The following EPC1 variants were observed in gnomAD, a reference collection of about 807,000 sequenced individuals.
EPC1 encodes enhancer of polycomb 1.
A neutral mutation model predicts 98.4 loss-of-function variants in EPC1; 12 were observed. That is an observed-to-expected ratio of 0.12 (90% CI 0.08 to 0.20). The LOEUF (loss-of-function observed/expected upper bound fraction) is 0.20. Ranked by LOEUF, EPC1 falls within the 10% of genes least tolerant of loss-of-function variation. The pLI, the probability that EPC1 is intolerant of heterozygous loss-of-function variation, is 1.00. For missense variants in EPC1, 729 were observed against 990.5 expected (o/e 0.74, Z 3.54); for synonymous variants, 357 against 363.9 (o/e 0.98, Z 0.21).
chr10:32,304,918 T>TA (rs11351207), intron 2 of EPC1, among the ~76,000 whole-genome samples: 52 of 119,436 alleles, frequency 4.4e-4, no homozygotes, highest in African/African-American at 5.7e-4. Context: ...AACTCCGTCT[T>TA]AAAAAAAAAA....
chr10:32,296,497 C>G (rs967688248), intron 2 of EPC1, among the ~76,000 whole-genome samples: 3 of 152,190 alleles, frequency 2.0e-5, no homozygotes, highest in African/African-American at 4.8e-5. Context: ...AGGATGATTT[C>G]TATCATATGA....
chr10:32,276,431 G>A (rs1303535446), intron 10 of EPC1, among the ~76,000 whole-genome samples: 1 of 152,214 alleles, frequency 6.6e-6, no homozygotes, highest in African/African-American at 2.4e-5. Context: ...AGAATCGCTC[G>A]AATCCAGGAG....
intron 1 of EPC1, among the ~76,000 whole-genome samples, chr10:32,309,228 T>C (rs1242168209): frequency 6.6e-6 from 1 of 152,124 alleles, no homozygotes; most frequent in East Asian, 1.9e-4. Context: ...AGCAGGATGA[T>C]GACAACCAAC....
At chr10:32,352,042 A>ATTTTTTTT (rs35657158), upstream of EPC1, among the ~76,000 whole-genome samples, 1 of 93,454 alleles carries the variant, frequency 1.1e-5, no homozygotes, top group Non-Finnish European at 2.1e-5. Flanking sequence ...AGCCATATTG[A>ATTTTTTTT]TTTTTTTTTT....
intron 1 of EPC1, among the ~76,000 whole-genome samples, chr10:32,371,636 C>T (rs532816970): frequency 2.6e-5 from 4 of 152,242 alleles, no homozygotes; most frequent in African/African-American, 9.6e-5. Flanking sequence ...CGGTGGCTCA[C>T]CCCTGTAATC....
chr10:32,360,786 T>C (rs1022853082), intron 1 of EPC1, among the ~76,000 whole-genome samples: 1 of 151,840 alleles, frequency 6.6e-6, no homozygotes, highest in Non-Finnish European at 1.5e-5. Flanking sequence ...CCCAGCTACT[T>C]GGGAGGTTGA....
rs768696405 is a variant in EPC1, at chr10:32,286,905, C to A, written c.1242+21G>T. ...TTAAAGGTAAATAGTTTGTTATTTACAAAGACACTCTGAAACTTACAGCAT... is the reference window on the plus strand; with the variant it reads ...TTAAAGGTAAATAGTTTGTTATTTAAAAAGACACTCTGAAACTTACAGCAT... On this transcript the variant is annotated intron_variant, in intron 8 of 13. Coordinates refer to ENST00000319778, the MANE Select transcript of EPC1 (RefSeq NM_001272004.3). 3.1e-6 allele frequency: 5 copies of A among 1,610,184 alleles called. No homozygotes were observed. In the South Asian group the frequency reaches 4.4e-5, roughly 14 times the overall value.
At chr10:32,338,424 T>C (rs1838110828) in intron 1 of EPC1, among the ~76,000 whole-genome samples, 3 of 152,192 alleles carry the variant, frequency 2.0e-5, no homozygotes, top group Admixed American at 6.5e-5. Flanking sequence ...CAGAATAATC[T>C]TGAAAAACCA....
At position 32,276,716 on chromosome 10, in the gene EPC1, A is replaced by T. The variant is rs1770187112; in HGVS notation, c.1745-3435T>A. ...AAAGAAATCTGAACCTCAGGTCATG[A>T]TACCATTATAACCTGAAAGTCTAAC... On this transcript the variant is annotated intron_variant, in intron 10 of 13. Transcript: ENST00000319778. Among the ~76,000 whole-genome samples the T allele has an allele frequency of 2.6e-5, 4 of 152,244 alleles. No individual in the cohort carries two copies. The South Asian group carries it at 8.3e-4, about 31-fold the overall frequency.
chr10:32,359,933 A>G (rs1839390361), intron 1 of EPC1, among the ~76,000 whole-genome samples: 1 of 151,848 alleles, frequency 6.6e-6, no homozygotes, highest in South Asian at 2.1e-4. Flanking sequence ...GTAGTTTTGT[A>G]TCATTTATGT....
intron 5 of EPC1, 47 bp downstream of exon 5, chr10:32,292,449 T>A: frequency 7.4e-7 from 1 of 1,351,912 alleles, no homozygotes; most frequent in Admixed American, 2.5e-5. Context: ...ATATACAAAA[T>A]GTTAATGGCA....
chr10:32,304,380 T>G (rs1315919015), intron 2 of EPC1, among the ~76,000 whole-genome samples: 1 of 152,202 alleles, frequency 6.6e-6, no homozygotes, highest in African/African-American at 2.4e-5. Context: ...TTAACATACA[T>G]GGGGAAGATC....
intron 1 of EPC1, among the ~76,000 whole-genome samples, chr10:32,357,390 A>G (rs1265202097): frequency 6.6e-6 from 1 of 152,218 alleles, no homozygotes; most frequent in Admixed American, 6.5e-5. Flanking sequence ...TTTTTGTTTC[A>G]ATTGATTTAT....
chr10:32,316,314 C>G (rs150117309), intron 1 of EPC1, among the ~76,000 whole-genome samples: 2,084 of 152,240 alleles, frequency 0.014, 152 homozygotes, highest in Admixed American at 0.12. Context: ...CAAGTCTGCT[C>G]CTAAGAATTT....
chr10:32,347,148 A>G lies in EPC1; in HGVS notation c.-233T>C. On this transcript the variant is annotated 5_prime_UTR_variant, in exon 1 of 14. Coordinates refer to ENST00000319778, the MANE Select transcript of EPC1 (RefSeq NM_001272004.3). Reference sequence around the variant, plus strand: ...CCATGGCCAACATGGCGGACATTAAAACTCCACTGTGCGCTCTTCAGCCAA... The same window carrying G: ...CCATGGCCAACATGGCGGACATTAAGACTCCACTGTGCGCTCTTCAGCCAA... 1 of 1,416,290 alleles carries G rather than the reference A, an allele frequency of 7.1e-7. No individual in the cohort carries two copies. The highest frequency in any genetic ancestry group is 1.5e-5 in the South Asian group (1 of 65,974). The allele number at this position is 1,416,290 out of a possible 1,614,324, so 87.7% of individuals were successfully genotyped here.
rs538422763 is a variant in EPC1, at chr10:32,297,442, C to T, written c.314-3705G>A. ...CTGGGATTACACATGTCTGCCACCA[C>T]GCCCGGCAAATTTTTGTATTTTTTA... On this transcript the variant is annotated intron_variant, in intron 2 of 13. Transcript: ENST00000319778. Among the ~76,000 whole-genome samples the T allele has an allele frequency of 1.3e-3, 202 of 152,010 alleles. 2 individuals carry two copies. The highest frequency in any genetic ancestry group is 4.6e-3 in the African/African-American group (191 of 41,456).
chr10:32,354,914 C>T (rs116001635), intron 1 of EPC1, among the ~76,000 whole-genome samples: 1,819 of 152,302 alleles, frequency 0.012, 31 homozygotes, highest in African/African-American at 0.041. Context: ...CACTGCCTCC[C>T]ATCACTGTCC....
At chr10:32,353,773 T>A (rs1839193422) in intron 1 of EPC1, among the ~76,000 whole-genome samples, 1 of 152,246 alleles carries the variant, frequency 6.6e-6, no homozygotes, top group African/African-American at 2.4e-5. Context: ...TGCAATAATT[T>A]AAAGCATTCT....
intron 1 of EPC1, among the ~76,000 whole-genome samples, chr10:32,307,102 A>C (rs1388360506): frequency 6.6e-6 from 1 of 152,198 alleles, no homozygotes; most frequent in Non-Finnish European, 1.5e-5. Flanking sequence ...GCTTGATATA[A>C]CCTGGAGATC....
Sources: allele counts gnomAD v4.1 joint callset (sites outside exome capture counted in the v4.1 genomes callset), GRCh38; gene constraint gnomAD v4.1.1; transcripts MANE v1.5; gene names NCBI Gene and HGNC (gene_info 2026-07-23, HGNC 2026-07-21).